The following VCF1 variants were observed in gnomAD, a reference collection of about 807,000 sequenced individuals.
VCF1 encodes the protein VCP nuclear cofactor family member 1.
chr17:73,221,354 GAAAGT>G, the VCF1 span, among the ~76,000 whole-genome samples: 25 of 151,364 alleles, frequency 1.7e-4, no homozygotes, highest in Admixed American at 5.3e-4. Context: ...TATTAAAACT[GAAAGT>G]AAAGAACATT....
At chr17:73,226,150 C>G in the VCF1 span, among the ~76,000 whole-genome samples, 4 of 152,008 alleles carry the variant, frequency 2.6e-5, no homozygotes, top group Non-Finnish European at 5.9e-5. Context: ...ATCTGCCCAC[C>G]TTGGCCTACC....
chr17:73,221,498 A>C, the VCF1 span, among the ~76,000 whole-genome samples: 1 of 147,214 alleles, frequency 6.8e-6, no homozygotes, highest in East Asian at 1.9e-4. Context: ...GATAGAAAAA[A>C]ATTGATAAAA....
At chr17:73,227,001 C>T in the VCF1 span, among the ~76,000 whole-genome samples, 1 of 152,272 alleles carries the variant, frequency 6.6e-6, no homozygotes, top group African/African-American at 2.4e-5. Flanking sequence ...ACAGGGTACA[C>T]AGCTTCCTCA....
the VCF1 span, among the ~76,000 whole-genome samples, chr17:73,219,191 CA>C: frequency 6.4e-3 from 270 of 41,872 alleles, 1 homozygote; most frequent in East Asian, 0.045. Context: ...AACTCCGTCT[CA>C]AAAAAAAAAA....
chr17:73,209,269 C>T, the VCF1 span: 1 of 554,238 alleles, frequency 1.8e-6, no homozygotes, highest in Admixed American at 3.2e-5. Flanking sequence ...GAGTTTTCCT[C>T]AAACCACTAC....
the VCF1 span, among the ~76,000 whole-genome samples, chr17:73,228,693 AT>A: frequency 6.6e-6 from 1 of 152,196 alleles, no homozygotes; most frequent in African/African-American, 2.4e-5. Context: ...TTAAAAAAAA[AT>A]AGATGAATAT....
the VCF1 span, among the ~76,000 whole-genome samples, chr17:73,230,077 C>T: frequency 2.1e-3 from 316 of 151,820 alleles, 4 homozygotes; most frequent in African/African-American, 7.4e-3. Flanking sequence ...CGGGTGGATC[C>T]CTTGAGCCCA....
At chr17:73,214,480 A>T in the VCF1 span, among the ~76,000 whole-genome samples, 1 of 152,206 alleles carries the variant, frequency 6.6e-6, no homozygotes, top group African/African-American at 2.4e-5. Flanking sequence ...GTTGATCTTA[A>T]CACTGTCAGC....
At chr17:73,208,290 A>C in the VCF1 span, 12 of 1,612,450 alleles carry the variant, frequency 7.4e-6, no homozygotes, top group Non-Finnish European at 9.3e-6. Context: ...ACTCTAAGGC[A>C]CTTTTCTCTA....
At chr17:73,232,232 C>G in the VCF1 span, 1 of 1,611,688 alleles carries the variant, frequency 6.2e-7, no homozygotes, top group South Asian at 1.1e-5. Flanking sequence ...CTCGGGTGGA[C>G]GCAGCCGGTG....
chr17:73,210,673 C>T, the VCF1 span, among the ~76,000 whole-genome samples: 1 of 152,046 alleles, frequency 6.6e-6, no homozygotes. Context: ...CTCACTGCAG[C>T]CTCAATCTCC....
chr17:73,232,303 C>T, the VCF1 span: 537 of 1,579,018 alleles, frequency 3.4e-4, no homozygotes, highest in Non-Finnish European at 4.3e-4. Context: ...CCGCGCCCCC[C>T]CATGTCGCTG....
chr17:73,221,072 T>C, the VCF1 span, among the ~76,000 whole-genome samples: 2 of 151,020 alleles, frequency 1.3e-5, no homozygotes, highest in Non-Finnish European at 2.9e-5. Flanking sequence ...TTAATTTTTG[T>C]ATTTTTAGTA....
At chr17:73,221,947 T>C in the VCF1 span, among the ~76,000 whole-genome samples, 2 of 150,766 alleles carry the variant, frequency 1.3e-5, no homozygotes, top group Non-Finnish European at 2.9e-5. Flanking sequence ...GGCAGGAGAA[T>C]TGCTTGAACC....
the VCF1 span, chr17:73,209,541 C>T: frequency 2.5e-6 from 4 of 1,583,728 alleles, no homozygotes; most frequent in Admixed American, 3.6e-5. Context: ...ATGTCAGAGG[C>T]CGCCCTCGGT....
the VCF1 span, among the ~76,000 whole-genome samples, chr17:73,218,404 C>T: frequency 6.6e-6 from 1 of 152,220 alleles, no homozygotes; most frequent in East Asian, 1.9e-4. Flanking sequence ...ACCTTTGTTA[C>T]CCTTATAAGG....
the VCF1 span, chr17:73,232,052 G>T: frequency 6.4e-7 from 1 of 1,553,320 alleles, no homozygotes; most frequent in Non-Finnish European, 8.7e-7. Flanking sequence ...AGATCCTCAG[G>T]CGACGAATGG....
the VCF1 span, among the ~76,000 whole-genome samples, chr17:73,210,637 C>A: frequency 1.3e-5 from 2 of 152,050 alleles, no homozygotes; most frequent in Non-Finnish European, 2.9e-5. Context: ...CACTCTGTTA[C>A]GCAGGCTCGA....
At chr17:73,225,448 TTTC>T in the VCF1 span, among the ~76,000 whole-genome samples, 1 of 150,994 alleles carries the variant, frequency 6.6e-6, no homozygotes, top group Admixed American at 6.6e-5. Context: ...TGACAATTTC[TTTC>T]TTTTTTTTTA....
Sources: gnomAD v4.1 joint callset for allele counts (sites outside exome capture counted in the v4.1 genomes callset) on GRCh38, gnomAD v4.1.1 for gene constraint, MANE v1.5 for transcripts, NCBI Gene and HGNC (gene_info 2026-07-23, HGNC 2026-07-21) for gene names.